PSIP1: variants seen among roughly 807,000 people sequenced by gnomAD.
PSIP1 encodes PC4 and SRSF1 interacting protein 1.
A neutral mutation model predicts 74.7 loss-of-function variants in PSIP1; 19 were observed. That is an observed-to-expected ratio of 0.25 (90% confidence interval 0.18 to 0.37). The LOEUF is 0.37. Among genes scored for constraint, PSIP1 ranks in the 10% least tolerant of loss-of-function variants. The pLI, the probability that PSIP1 is intolerant of heterozygous loss-of-function variation, is 1.00. For synonymous variants in PSIP1, 222 were observed against 195.3 expected, an observed-to-expected ratio of 1.14 and a Z score of -1.14; for missense variants, 601 against 614.3, an observed-to-expected ratio of 0.98 and a Z score of 0.23.
Position 15,473,987 on chromosome 9 carries a change from TTTATA to T in PSIP1, c.858+17_858+21del, listed in dbSNP as rs1563870595. The T allele has an allele frequency of 1.7e-5, 27 of 1,548,548 alleles. No individual in the cohort carries two copies. The highest frequency in any genetic ancestry group is 2.4e-5 in the Non-Finnish European group (27 of 1,134,044). ...TATAAACTAAGAATAGAACAGCCAT[TTTATA>T]TATGTAAACTTTATACCTTTTCACC... On this transcript the variant is annotated intron_variant, in intron 9 of 15. Coordinates refer to ENST00000380733, the MANE Select transcript of PSIP1 (RefSeq NM_033222.5).
intron 3 of PSIP1, among the ~76,000 whole-genome samples, chr9:15,497,208 A>G (rs2037115808): frequency 7.5e-6 from 1 of 133,762 alleles, no homozygotes; most frequent in African/African-American, 4.0e-5. Flanking sequence ...AATATGTGAC[A>G]ATAAAAAGTA....
intron 3 of PSIP1, 30 bp downstream of exon 3, chr9:15,506,531 T>C: frequency 6.7e-7 from 1 of 1,502,112 alleles, no homozygotes; most frequent in African/African-American, 1.4e-5. Flanking sequence ...AAATTAGCTC[T>C]GATTTGCCTT....
intron 9 of PSIP1, among the ~76,000 whole-genome samples, 175 bp downstream of exon 9, chr9:15,473,834 G>C (rs982426135): frequency 6.1e-5 from 9 of 148,578 alleles, no homozygotes; most frequent in African/African-American, 2.2e-4. Flanking sequence ...CCAGGAGGCA[G>C]AGGTTGCAGT....
intron 3 of PSIP1, among the ~76,000 whole-genome samples, chr9:15,490,620 T>C (rs936933576): frequency 1.4e-5 from 2 of 146,926 alleles, no homozygotes; most frequent in African/African-American, 5.2e-5. Context: ...GAGGCGGAGG[T>C]TGCAGTGAGC....
chr9:15,467,467 G>T (rs1337957559), intron 14 of PSIP1, among the ~76,000 whole-genome samples: 1 of 152,174 alleles, frequency 6.6e-6, no homozygotes, highest in African/African-American at 2.4e-5. Flanking sequence ...TAACAAGACT[G>T]GAGGAGCTGA....
At chr9:15,490,159 C>G (rs1367365974) in intron 3 of PSIP1, 35 bp from the exon 4 acceptor site, 2 of 1,532,234 alleles carry the variant, frequency 1.3e-6, no homozygotes, top group African/African-American at 1.4e-5. Flanking sequence ...GAGTGCAAAG[C>G]AAGCTCAAAT....
intron 14 of PSIP1, among the ~76,000 whole-genome samples, chr9:15,467,731 T>A (rs1178926831): frequency 6.6e-6 from 1 of 152,196 alleles, no homozygotes; most frequent in Admixed American, 6.5e-5. Context: ...CTGTTAGTAA[T>A]AAGTACTAGC....
intron 4 of PSIP1, among the ~76,000 whole-genome samples, chr9:15,487,203 T>G (rs2036593237): frequency 6.6e-6 from 1 of 150,614 alleles, no homozygotes; most frequent in Non-Finnish European, 1.5e-5. Context: ...TAATAAAAAT[T>G]AAAAAAAACT....
At chr9:15,471,663 C>A in intron 10 of PSIP1, 1 of 945,738 alleles carries the variant, frequency 1.1e-6, no homozygotes, top group South Asian at 4.9e-5. Context: ...TAAATTACTC[C>A]CTCAAGGAGC....
intron 3 of PSIP1, among the ~76,000 whole-genome samples, chr9:15,501,129 T>A (rs79776483): frequency 0.01 from 1,525 of 151,978 alleles, 19 homozygotes; most frequent in African/African-American, 0.035. Flanking sequence ...AACACAAATA[T>A]AAGTAACCTG....
At chr9:15,495,980 C>G (rs185234325) in intron 3 of PSIP1, among the ~76,000 whole-genome samples, 114 of 152,116 alleles carry the variant, frequency 7.5e-4, no homozygotes, top group African/African-American at 2.7e-3. Context: ...CTTTGTTGAC[C>G]AATTTCCTTG....
rs144147102 is a variant in PSIP1 at position 15,469,190 on chromosome 9, CATAAG to C, written c.1104+71_1104+75del. 1,058 of 1,325,076 alleles carry C rather than the reference CATAAG, an allele frequency of 8.0e-4. 5 individuals are homozygous for C. In the African/African-American group the frequency reaches 0.014, roughly 18 times the overall value. 82.1% of individuals were successfully genotyped at this position (1,325,076 alleles called of 1,614,324 possible). A position where few individuals can be genotyped will look rare whatever the true frequency, so the allele number is the denominator to read the frequency against. On this transcript the variant is annotated intron_variant, in intron 12 of 15. Coordinates refer to ENST00000380733, the MANE Select transcript of PSIP1 (RefSeq NM_033222.5). Reference sequence around the variant, plus strand: ...TAATTATCCCTTAAATTTACATACTCATAAGATCATGTGAGAAAATAAAAGATGAA... The same window carrying C: ...TAATTATCCCTTAAATTTACATACTCATCATGTGAGAAAATAAAAGATGAA...
intron 8 of PSIP1, among the ~76,000 whole-genome samples, chr9:15,476,222 G>A (rs1164731465): frequency 6.6e-6 from 1 of 152,138 alleles, no homozygotes; most frequent in East Asian, 1.9e-4. Context: ...GCTATTTTAG[G>A]GTTGTCCATT....
intron 3 of PSIP1, among the ~76,000 whole-genome samples, chr9:15,499,518 T>C (rs551577188): frequency 6.6e-6 from 1 of 152,276 alleles, no homozygotes; most frequent in African/African-American, 2.4e-5. Flanking sequence ...TTGTGAATAA[T>C]ATGAATACCC....
At chr9:15,503,184 T>C (rs1217321076) in intron 3 of PSIP1, among the ~76,000 whole-genome samples, 1 of 151,810 alleles carries the variant, frequency 6.6e-6, no homozygotes, top group Non-Finnish European at 1.5e-5. Context: ...CTGGCCAACA[T>C]GGTGAAACCC....
In PSIP1 at chr9:15,469,128, C is replaced by T. The variant is rs111762263; in HGVS notation, c.1105-70G>A. ...ACTTAAACAATCTGTTTCTAAAGATCGTTTCCAAAAAAAAAGAGGTAGTGC... is the reference window on the plus strand; with the variant it reads ...ACTTAAACAATCTGTTTCTAAAGATTGTTTCCAAAAAAAAAGAGGTAGTGC... On this transcript the variant is annotated intron_variant, in intron 12 of 15. Coordinates refer to ENST00000380733, the MANE Select transcript of PSIP1 (RefSeq NM_033222.5). The T allele has an allele frequency of 3.4e-5, 50 of 1,459,096 alleles. 2 individuals carry two copies. The highest frequency in any genetic ancestry group is 3.1e-4 in the African/African-American group (22 of 70,134). The allele number at this position is 1,459,096 out of a possible 1,614,324, so 90.4% of individuals were successfully genotyped here.
At chr9:15,473,915 CAAAAAAAAA>C in intron 9 of PSIP1, 85 bp downstream of exon 9, 2 of 598,854 alleles carry the variant, frequency 3.3e-6, no homozygotes, top group Non-Finnish European at 4.5e-6. Context: ...AAAAAAAAAA[CAAAAAAAAA>C]AACAAAAAAA....
intron 3 of PSIP1, among the ~76,000 whole-genome samples, chr9:15,494,519 C>A (rs1310902268): frequency 8.2e-6 from 1 of 122,596 alleles, no homozygotes; most frequent in Non-Finnish European, 1.6e-5. Flanking sequence ...GAGCCAAGAT[C>A]ACACCATTGC....
chr9:15,476,736 T>C (rs1344727957), intron 8 of PSIP1, among the ~76,000 whole-genome samples: 1 of 152,168 alleles, frequency 6.6e-6, no homozygotes, highest in Admixed American at 6.5e-5. Flanking sequence ...AATAATTGCA[T>C]AGGAAGCTGA....
Sources: allele counts gnomAD v4.1 joint callset (sites outside exome capture counted in the v4.1 genomes callset), GRCh38; gene constraint gnomAD v4.1.1; transcripts MANE v1.5; gene names NCBI Gene and HGNC (gene_info 2026-07-23, HGNC 2026-07-21).